Variants in ZNF324B observed in about 807,000 individuals in gnomAD.
ZNF324B encodes the protein zinc finger protein 324B.
Under a neutral mutation model 10.6 loss-of-function variants are expected in ZNF324B, and 7 were observed. The ratio of observed to expected loss-of-function variants is 0.66; its 90% CI spans 0.38 to 1.24. The LOEUF (loss-of-function observed/expected upper bound fraction) is 1.24. Ranked by LOEUF, ZNF324B falls within the 50% of genes most tolerant of loss-of-function variation. The pLI, the probability that ZNF324B is intolerant of heterozygous loss-of-function variation, is 0.02. For missense variants in ZNF324B, 640 were observed against 764.7 expected (o/e 0.84, Z 1.92); for synonymous variants, 316 against 321.0 (o/e 0.98, Z 0.17).
the ZNF324B span, among the ~76,000 whole-genome samples, chr19:58,427,371 T>C: frequency 1.4e-3 from 66 of 46,068 alleles, no homozygotes; most frequent in East Asian, 4.1e-3. Flanking sequence ...TCTTTCTTTC[T>C]TTCTTTCTTT....
At chr19:58,451,464 G>C (rs1008453910), upstream of ZNF324B, 3 of 339,918 alleles carry the variant, frequency 8.8e-6, no homozygotes, top group Non-Finnish European at 1.8e-5. Flanking sequence ...GGCGCCCAGC[G>C]CGGCGGCGCT....
chr19:58,428,148 C>G, the ZNF324B span, among the ~76,000 whole-genome samples: 1 of 152,186 alleles, frequency 6.6e-6, no homozygotes, highest in Non-Finnish European at 1.5e-5. Context: ...TCAGGGGCTT[C>G]CAGGAGACGT....
the ZNF324B span, chr19:58,429,216 C>G: frequency 6.6e-6 from 1 of 152,258 alleles, no homozygotes; most frequent in Admixed American, 6.5e-5. Flanking sequence ...TGAATTGTTT[C>G]AAACCACCTC....
At chr19:58,425,726 C>G in the ZNF324B span, among the ~76,000 whole-genome samples, 14 of 152,330 alleles carry the variant, frequency 9.2e-5, no homozygotes, top group African/African-American at 3.1e-4. Context: ...CTGCCTGGGC[C>G]TCCCAAAGTG....
the ZNF324B span, chr19:58,434,574 G>C: frequency 6.2e-7 from 1 of 1,614,064 alleles, no homozygotes; most frequent in Non-Finnish European, 8.5e-7. Context: ...TACACACATG[G>C]GGTATTTCCC....
upstream of ZNF324B, among the ~76,000 whole-genome samples, chr19:58,449,038 G>A (rs1274223113): frequency 6.6e-6 from 1 of 152,176 alleles, no homozygotes; most frequent in Non-Finnish European, 1.5e-5. Flanking sequence ...GGCCTAGGAG[G>A]AAAAAATGGT....
At chr19:58,445,078 A>C in the ZNF324B span, 1 of 251,296 alleles carries the variant, frequency 4.0e-6, no homozygotes, top group East Asian at 1.6e-4. Context: ...CTTCCCTGGT[A>C]CCTGACTTGA....
At chr19:58,447,190 C>G (rs1426345800), upstream of ZNF324B, among the ~76,000 whole-genome samples, 1 of 151,852 alleles carries the variant, frequency 6.6e-6, no homozygotes, top group African/African-American at 2.4e-5. Context: ...ATTGGCCAGG[C>G]TGGTCTCAAA....
In ZNF324B at chr19:58,455,358, G is replaced by T. The variant is rs773695386; in HGVS notation, c.414G>T (p.Gly138=). The change falls in exon 4 of 4, where the codon GGG becomes GGT. Residue 138 remains glycine (G), a synonymous_variant. Transcript: ENST00000336614. The surrounding 1 kb of genome is among the most constrained non-coding windows in gnomAD (Gnocchi z 7.0). ...ASPSQERKPT[G]VSVIYWERLL... is the part of the protein sequence containing the mutation. ...CATCTCAGGAGAGAAAACCCACGGG[G>T]GTGTCGGTGATCTACTGGGAGAGGC... 6.2e-7 allele frequency: 1 copy of T among 1,614,220 alleles called. No individual in the cohort carries two copies. Among genetic ancestry groups the T allele is most frequent in the Non-Finnish European group, 8.5e-7 (1 of 1,180,034 alleles).
intron 2 of ZNF324B, 72 bp downstream of exon 2, chr19:58,453,894 T>C (rs2122352106): frequency 1.5e-5 from 24 of 1,564,416 alleles, no homozygotes; most frequent in Non-Finnish European, 2.0e-5. Flanking sequence ...TCCCTCCTGG[T>C]TGATGAGCAG....
At chr19:58,449,122 A>G (rs886620384), upstream of ZNF324B, among the ~76,000 whole-genome samples, 1 of 152,172 alleles carries the variant, frequency 6.6e-6, no homozygotes, top group Non-Finnish European at 1.5e-5. Flanking sequence ...ACTATGGCTA[A>G]AAGGAGCCAA....
At chr19:58,436,845 C>T in the ZNF324B span, 1 of 752,092 alleles carries the variant, frequency 1.3e-6, no homozygotes, top group South Asian at 1.4e-5. Context: ...TCCTGGGCAA[C>T]AGCTATTAGG....
At chr19:58,450,108 C>T (rs549381331), upstream of ZNF324B, among the ~76,000 whole-genome samples, 34 of 152,216 alleles carry the variant, frequency 2.2e-4, no homozygotes, top group African/African-American at 6.0e-4. Context: ...GTAAGTCTCA[C>T]GAGATCTGAT....
chr19:58,440,865 T>C, the ZNF324B span: 2 of 152,392 alleles, frequency 1.3e-5, no homozygotes, highest in East Asian at 3.9e-4. Context: ...TGCGCCCGGC[T>C]GTAGGCATGG....
chr19:58,442,527 G>C, the ZNF324B span: 1 of 154,124 alleles, frequency 6.5e-6, no homozygotes, highest in Non-Finnish European at 1.4e-5. Flanking sequence ...CAGATGTTCA[G>C]ATGTGTCTGG....
At chr19:58,446,388 T>C in the ZNF324B span, among the ~76,000 whole-genome samples, 2 of 152,014 alleles carry the variant, frequency 1.3e-5, no homozygotes, top group African/African-American at 4.8e-5. Flanking sequence ...TGGAAGCCCA[T>C]CTCTGTTTTA....
chr19:58,430,186 C>G, the ZNF324B span: 1 of 152,118 alleles, frequency 6.6e-6, no homozygotes, highest in Non-Finnish European at 1.5e-5. Flanking sequence ...GTCCAGCAGC[C>G]CACAAAAAAC....
chr19:58,435,093 G>T, the ZNF324B span: 2 of 1,614,060 alleles, frequency 1.2e-6, no homozygotes, highest in Non-Finnish European at 1.7e-6. Flanking sequence ...GCCCACACAT[G>T]TCACAGGAGT....
chr19:58,425,115 G>T, the ZNF324B span, among the ~76,000 whole-genome samples: 1 of 152,108 alleles, frequency 6.6e-6, no homozygotes, highest in African/African-American at 2.4e-5. Context: ...AATCAGCCAG[G>T]CGTGGCGGTG....
Sources: allele counts gnomAD v4.1 joint callset (sites outside exome capture counted in the v4.1 genomes callset), GRCh38; gene constraint gnomAD v4.1.1; non-coding constraint Gnocchi (gnomAD v3.1); transcripts MANE v1.5; gene names NCBI Gene and HGNC (gene_info 2026-07-23, HGNC 2026-07-21).